Variants in VAMP7 observed in about 807,000 individuals in gnomAD.
VAMP7 encodes the protein vesicle associated membrane protein 7.
VAMP7 carries 14 observed loss-of-function variants against 29.6 expected under a neutral mutation model. The observed-to-expected ratio is 0.47, with a 90% confidence interval of 0.31 to 0.74. The LOEUF (loss-of-function observed/expected upper bound fraction) is 0.74, where lower values mean the gene tolerates loss of function less well. Ranked by LOEUF, VAMP7 falls within the 30% of genes least tolerant of loss-of-function variation. VAMP7 has a pLI of 0.05. For missense variants in VAMP7, 223 were observed against 262.4 expected (o/e 0.85, Z 1.04); for synonymous variants, 95 against 88.1 (o/e 1.08, Z -0.44).
rs768015017 is a variant in VAMP7, at chrX:155,943,454, G to A, written c.*1503G>A. The A allele has an allele frequency of 2.6e-5, 4 of 152,420 alleles. No individual in the cohort carries two copies. The East Asian group carries it at 5.8e-4, about 22-fold the overall frequency. The allele number at this position is 152,420 out of a possible 1,614,324, so 9.4% of individuals were successfully genotyped here. ...CTTGTTTATCTAGCATAGCACAAACGTTTTTCCAGTCTTCTTTATCAACAC... is the reference window on the plus strand; with the variant it reads ...CTTGTTTATCTAGCATAGCACAAACATTTTTCCAGTCTTCTTTATCAACAC... On this transcript the variant is annotated 3_prime_UTR_variant, in exon 8 of 8. Coordinates refer to ENST00000286448, the MANE Select transcript of VAMP7 (RefSeq NM_005638.6).
chrX:155,884,454 A>G (rs1446541522), intron 1 of VAMP7, among the ~76,000 whole-genome samples: 2 of 152,208 alleles, frequency 1.3e-5, no homozygotes, highest in African/African-American at 2.4e-5. Context: ...CCATGCAGGT[A>G]TCTTTCAATT....
chrX:155,916,305 A>G (rs1182423694), intron 5 of VAMP7, among the ~76,000 whole-genome samples: 2 of 152,052 alleles, frequency 1.3e-5, no homozygotes, highest in African/African-American at 2.4e-5. Context: ...TTGATTCTTT[A>G]TTCAATTTGC....
At chrX:155,934,489 T>TA (rs2066616050) in intron 6 of VAMP7, among the ~76,000 whole-genome samples, 1 of 152,202 alleles carries the variant, frequency 6.6e-6, no homozygotes, top group African/African-American at 2.4e-5. Flanking sequence ...CTTGCTAGTT[T>TA]AAAGTCTGTT....
intron 5 of VAMP7, among the ~76,000 whole-genome samples, chrX:155,908,561 TGA>T (rs1262530896): frequency 2.0e-5 from 3 of 148,030 alleles, no homozygotes; most frequent in African/African-American, 5.0e-5. Flanking sequence ...GTGGGGAGAG[TGA>T]GAGGGGGAGG....
In VAMP7 at chrX:155,943,635, G is replaced by A. The variant is rs905914298; in HGVS notation, c.*1684G>A. The stretch of plus-strand genomic sequence containing the variant: ...TTATACACACCTGAATAAAATTGAT[G>A]TGCATGTTTTAGGGATCAATTACCT... On this transcript the variant is annotated 3_prime_UTR_variant, in exon 8 of 8. Coordinates refer to ENST00000286448, the MANE Select transcript of VAMP7 (RefSeq NM_005638.6). The A allele has an allele frequency of 1.1e-4, 17 of 152,088 alleles. No individual in the cohort carries two copies. Among genetic ancestry groups the A allele is most frequent in the Non-Finnish European group, 5.9e-5 (4 of 68,008 alleles). 9.4% of individuals were successfully genotyped at this position (152,088 alleles called of 1,614,324 possible). A position where few individuals can be genotyped will look rare whatever the true frequency, so the allele number is the denominator to read the frequency against.
chrX:155,898,050 TAATC>T, intron 3 of VAMP7, 58 bp from the exon 4 acceptor site: 3 of 1,576,732 alleles, frequency 1.9e-6, no homozygotes, highest in Non-Finnish European at 2.6e-6. Flanking sequence ...TTGTTGTTCT[TAATC>T]ACTCACATCA....
Position 155,921,890 on chromosome X carries a change from T to C in VAMP7, c.501+2010T>C, listed in dbSNP as rs2066400949. ...TTTGTGACTGCATTTAATATATAGG[T>C]CACTTTAGGGGACATTGGTATCTTG... On this transcript the variant is annotated intron_variant, in intron 6 of 7. Transcript: ENST00000286448. Among the ~76,000 whole-genome samples the C allele has an allele frequency of 2.0e-5, 3 of 152,164 alleles. No homozygotes were observed. The South Asian group carries it at 6.2e-4, about 32-fold the overall frequency.
At chrX:155,933,909 T>C (rs921398484) in intron 6 of VAMP7, among the ~76,000 whole-genome samples, 1 of 152,208 alleles carries the variant, frequency 6.6e-6, no homozygotes, top group Non-Finnish European at 1.5e-5. Context: ...GTCTTTGTTC[T>C]CATTGGTTTC....
chrX:155,918,473 C>G (rs1311500445), intron 5 of VAMP7, among the ~76,000 whole-genome samples: 1 of 152,156 alleles, frequency 6.6e-6, no homozygotes, highest in Admixed American at 6.5e-5. Context: ...CTGCAGATTG[C>G]GAAGACTGTG....
In VAMP7 at chrX:155,895,677, T is replaced by A; in HGVS notation, c.201T>A (p.Asp67Glu). The A allele has an allele frequency of 1.9e-6, 3 of 1,608,222 alleles. No homozygotes were observed. Among genetic ancestry groups the A allele is most frequent in the Non-Finnish European group, 2.6e-6 (3 of 1,174,800 alleles). Reference sequence around the variant, plus strand: ...GGATTGTATATCTTTGTATCACTGATGATGTAAGTAACTTGAAGACATATT... The same window carrying A: ...GGATTGTATATCTTTGTATCACTGAAGATGTAAGTAACTTGAAGACATATT... ...QDRIVYLCIT[D>E]DDFERSRAFN... The change falls in exon 3 of 8, where the codon GAT (aspartate) becomes GAA (glutamate). Residue 67 changes from aspartate (D) to glutamate (E), a missense_variant. By Grantham distance (45) the Asp-to-Glu change is conservative. Transcript: ENST00000286448.
At chrX:155,940,362 C>T (rs2066725987) in intron 7 of VAMP7, among the ~76,000 whole-genome samples, 1 of 152,140 alleles carries the variant, frequency 6.6e-6, no homozygotes, top group South Asian at 2.1e-4. Context: ...ATAACTCTGA[C>T]CCTGCTTCTC....
intron 5 of VAMP7, among the ~76,000 whole-genome samples, chrX:155,908,431 C>T (rs920052980): frequency 3.9e-5 from 6 of 152,074 alleles, no homozygotes; most frequent in South Asian, 2.1e-4. Flanking sequence ...TGGCAGCACT[C>T]GGCAGGCTGA....
At chrX:155,912,946 A>G (rs1756652692) in intron 5 of VAMP7, among the ~76,000 whole-genome samples, 1 of 152,168 alleles carries the variant, frequency 6.6e-6, no homozygotes, top group Admixed American at 6.5e-5. Context: ...ACTGTCTTTG[A>G]CAATGGTTGA....
rs1430966816 is a variant in VAMP7, at chrX:155,929,968, T to C, written c.502-9733T>C. Among the ~76,000 whole-genome samples the C allele has an allele frequency of 4.2e-4, 64 of 152,168 alleles. 1 individual carries two copies. Among genetic ancestry groups the C allele is most frequent in the Admixed American group, 4.2e-3 (64 of 15,276 alleles). ...CTATTATACTCACAGTTATGGTTTA[T>C]TACAGGCAAATTATACATAGTAAGA... On this transcript the variant is annotated intron_variant, in intron 6 of 7. Coordinates refer to ENST00000286448, the MANE Select transcript of VAMP7 (RefSeq NM_005638.6).
intron 5 of VAMP7, among the ~76,000 whole-genome samples, chrX:155,906,609 C>T (rs1335838276): frequency 3.3e-5 from 5 of 151,920 alleles, no homozygotes; most frequent in Non-Finnish European, 5.9e-5. Flanking sequence ...CTTTCATTTT[C>T]GGATTGTTCA....
chrX:155,906,675 C>T (rs1206524793), intron 5 of VAMP7, among the ~76,000 whole-genome samples: 1 of 152,018 alleles, frequency 6.6e-6, no homozygotes, highest in Non-Finnish European at 1.5e-5. Flanking sequence ...TATCATACAA[C>T]CTTGTTCTCC....
At chrX:155,907,672 T>A (rs751792280) in intron 5 of VAMP7, among the ~76,000 whole-genome samples, 204 of 152,204 alleles carry the variant, frequency 1.3e-3, no homozygotes, top group African/African-American at 4.6e-3. Flanking sequence ...CATGTCTACT[T>A]CTTTCTTCAC....
intron 5 of VAMP7, among the ~76,000 whole-genome samples, chrX:155,914,634 C>T (rs2066284820): frequency 6.6e-6 from 1 of 152,096 alleles, no homozygotes; most frequent in Admixed American, 6.6e-5. Context: ...TGGTTTTTGT[C>T]ATTGGTTCTT....
rs1230561659 is a variant in VAMP7 at position 155,924,324 on chromosome X, A to G, written c.501+4444A>G. Reference sequence around the variant, plus strand: ...AAAATTTTGCCATTTTAACCTTTTTAAAGTGCACAATTCAGTGATGTTAAT... The same window carrying G: ...AAAATTTTGCCATTTTAACCTTTTTGAAGTGCACAATTCAGTGATGTTAAT... On this transcript the variant is annotated intron_variant, in intron 6 of 7. Coordinates refer to ENST00000286448, the MANE Select transcript of VAMP7 (RefSeq NM_005638.6). Among the ~76,000 whole-genome samples, 2 of 152,174 alleles carry G rather than the reference A, an allele frequency of 1.3e-5. 1 individual carries two copies. The highest frequency in any genetic ancestry group is 4.8e-5 in the African/African-American group (2 of 41,448).
Sources: gnomAD v4.1 joint callset for allele counts (sites outside exome capture counted in the v4.1 genomes callset) on GRCh38, gnomAD v4.1.1 for gene constraint, MANE v1.5 for transcripts, NCBI Gene and HGNC (gene_info 2026-07-23, HGNC 2026-07-21) for gene names.